DMD: variants seen among roughly 807,000 people sequenced by gnomAD.
DMD encodes the protein mutant dystrophin.
DMD carries 63 observed loss-of-function variants against 330.1 expected under a neutral mutation model. The observed-to-expected ratio is 0.19, with a 90% CI of 0.16 to 0.24. The LOEUF (loss-of-function observed/expected upper bound fraction) is 0.24, where lower values mean the gene tolerates loss of function less well. Among genes scored for constraint, DMD ranks in the 10% least tolerant of loss-of-function variants. The probability of loss-of-function intolerance (pLI) is 1.00; values close to 1 mark genes in which losing one functional copy is unlikely to be tolerated. For synonymous variants in DMD, 1,223 were observed against 959.8 expected (o/e 1.27, Z -5.07); for missense variants, 3,344 against 2,684.1 (o/e 1.25, Z -5.43).
intron 2 of DMD, among the ~76,000 whole-genome samples, chrX:32,964,101 C>G (rs2092018879): frequency 9.3e-6 from 1 of 107,775 alleles, no homozygotes; most frequent in Admixed American, 1.0e-4. Flanking sequence ...ACTAAAAATA[C>G]AAAAATTAGC....
At chrX:32,588,794 A>C (rs1048830612) in intron 13 of DMD, among the ~76,000 whole-genome samples, 15 of 112,051 alleles carry the variant, frequency 1.3e-4, no homozygotes, top group Non-Finnish European at 2.3e-4. Context: ...TTGACATTGC[A>C]TGCAAAGGGC....
At chrX:31,364,057 C>T (rs1004890042) in intron 60 of DMD, among the ~76,000 whole-genome samples, 2 of 112,708 alleles carry the variant, frequency 1.8e-5, no homozygotes, top group Non-Finnish European at 3.7e-5. Context: ...TCAGATCTGC[C>T]CAATTCAGTA....
At chrX:32,306,396 T>C (rs771482702) in intron 42 of DMD, among the ~76,000 whole-genome samples, 2 of 111,205 alleles carry the variant, frequency 1.8e-5, no homozygotes, top group South Asian at 7.6e-4. Flanking sequence ...CAGCTTTCCC[T>C]TGTGGTCTCG....
chrX:31,507,251 G>T, intron 56 of DMD, 30 bp downstream of exon 56: 1 of 1,208,420 alleles, frequency 8.3e-7, no homozygotes, highest in Non-Finnish European at 1.1e-6. Context: ...TAATTCATTT[G>T]TGGCCTTTTT....
chrX:33,197,835 C>T (rs181023905), intron 1 of DMD, among the ~76,000 whole-genome samples: 1 of 111,040 alleles, frequency 9.0e-6, no homozygotes, highest in Admixed American at 9.7e-5. Context: ...TTAACAGTCA[C>T]TCATTGATGG....
At chrX:32,491,848 G>T (rs1429759336) in intron 19 of DMD, among the ~76,000 whole-genome samples, 1 of 111,738 alleles carries the variant, frequency 8.9e-6, no homozygotes, top group East Asian at 2.8e-4. Context: ...AAGGCTGCAT[G>T]AACAAGTAAC....
intron 45 of DMD, among the ~76,000 whole-genome samples, chrX:31,944,663 CTTTTT>C (rs1176678451): frequency 1.2e-5 from 1 of 81,535 alleles, no homozygotes; most frequent in Non-Finnish European, 2.4e-5. Context: ...TTTTGTTCTG[CTTTTT>C]TTTTTTTTTT....
chrX:31,579,407 T>C (rs746173721), intron 55 of DMD, among the ~76,000 whole-genome samples: 28 of 112,514 alleles, frequency 2.5e-4, no homozygotes, highest in African/African-American at 9.0e-4. Flanking sequence ...TGCCAACAAT[T>C]CTACCCATTG....
At chrX:31,190,171 C>T (rs753519896) in intron 67 of DMD, among the ~76,000 whole-genome samples, 17 of 111,880 alleles carry the variant, frequency 1.5e-4, no homozygotes, top group Non-Finnish European at 2.8e-4. Context: ...AGAAAAACAT[C>T]GCCAAATATG....
intron 44 of DMD, among the ~76,000 whole-genome samples, chrX:32,137,461 A>C (rs1196653702): frequency 8.9e-6 from 1 of 111,762 alleles, no homozygotes; most frequent in African/African-American, 3.3e-5. Flanking sequence ...ACATAGCATT[A>C]TATGTTTAGT....
chrX:32,834,757 T>A (rs1468391391), intron 4 of DMD, among the ~76,000 whole-genome samples: 1 of 111,773 alleles, frequency 8.9e-6, no homozygotes, highest in Non-Finnish European at 1.9e-5. Flanking sequence ...ATGAACATAA[T>A]TATTAGATCT....
Position 31,204,003 on chromosome X carries a change from C to T in DMD, c.9765G>A (p.Gly3255=), listed in dbSNP as rs2148540768. ...GGACACTTGGCTCAATGTTACTGCC[C>T]CCAAAGGATGCAACTTCACCCAACT... is the stretch of plus-strand genomic sequence containing the variant. The part of the protein sequence containing the change: ...PRQLGEVASF[G]GSNIEPSVRS... Residue 3255 remains glycine (G), a synonymous_variant, in exon 67 of 79, where the codon GGG becomes GGA. Transcript: ENST00000357033. 1 of 1,210,518 alleles carries T rather than the reference C, an allele frequency of 8.3e-7. No homozygotes were observed.
In DMD at chrX:32,909,074, T is replaced by C. The variant is rs530656479; in HGVS notation, c.94-59254A>G. Among the ~76,000 whole-genome samples the C allele has an allele frequency of 5.4e-4, 59 of 108,478 alleles. No individual in the cohort carries two copies. In the South Asian group the frequency reaches 0.024, roughly 43 times the overall value. 94.2% of individuals were successfully genotyped at this position (108,478 alleles called of 115,157 possible). Reference sequence around the variant, plus strand: ...TTAATTTAAGGTGACCCTGGTACCATCTAACTGTTTTGTTTTTATTCCAAA... The same window carrying C: ...TTAATTTAAGGTGACCCTGGTACCACCTAACTGTTTTGTTTTTATTCCAAA... On this transcript the variant is annotated intron_variant, in intron 2 of 78. Coordinates refer to ENST00000357033, the MANE Select transcript of DMD (RefSeq NM_004006.3).
chrX:32,480,470 GTACATACACAGTATGTGTCTACGTGTT>G (rs1569564532), intron 21 of DMD, among the ~76,000 whole-genome samples: 9 of 102,821 alleles, frequency 8.8e-5, no homozygotes, highest in African/African-American at 3.9e-4. Context: ...GTCTACGTGT[GTACATACACAGTATGTGTCTACGTGTT>G]TATATACACA....
chrX:31,726,657 G>C (rs2086078869), intron 52 of DMD, among the ~76,000 whole-genome samples: 1 of 111,755 alleles, frequency 8.9e-6, no homozygotes, highest in Admixed American at 9.5e-5. Flanking sequence ...ATTTCAAAGG[G>C]AGAGATAAAC....
chrX:32,976,189 C>G (rs925234784), intron 2 of DMD, among the ~76,000 whole-genome samples: 2 of 101,516 alleles, frequency 2.0e-5, no homozygotes, highest in Non-Finnish European at 4.0e-5. Context: ...CCTCTGCACT[C>G]CAGCTTTGGT....
chrX:32,006,418 C>T (rs991614591), intron 44 of DMD, among the ~76,000 whole-genome samples: 8 of 111,430 alleles, frequency 7.2e-5, no homozygotes, highest in Non-Finnish European at 1.5e-4. Context: ...AATAGTTATT[C>T]CAAGTCTAAA....
chrX:31,253,638 T>A (rs2049634404), intron 63 of DMD, among the ~76,000 whole-genome samples: 1 of 112,064 alleles, frequency 8.9e-6, no homozygotes, highest in African/African-American at 3.2e-5. Context: ...TGCTGATTTA[T>A]AATGATATTG....
intron 29 of DMD, among the ~76,000 whole-genome samples, chrX:32,420,629 C>T (rs766069844): frequency 5.2e-4 from 58 of 111,569 alleles, no homozygotes; most frequent in Middle Eastern, 4.6e-3. Flanking sequence ...ACAAAGATCT[C>T]AGAGTGAAAG....
Sources: gnomAD v4.1 joint callset for allele counts (sites outside exome capture counted in the v4.1 genomes callset) on GRCh38, gnomAD v4.1.1 for gene constraint, MANE v1.5 for transcripts, NCBI Gene and HGNC (gene_info 2026-07-23, HGNC 2026-07-21) for gene names.